Variants in KIAA1328 observed in about 807,000 individuals in gnomAD.
The protein encoded by KIAA1328 is KIAA1328.
Under a neutral mutation model 68.1 loss-of-function variants are expected in KIAA1328, and 52 were observed. That is an observed-to-expected ratio of 0.76 (90% CI 0.61 to 0.96). KIAA1328 has a LOEUF of 0.96. KIAA1328 is among the 40% of genes least tolerant of loss of function. The pLI, the probability that KIAA1328 is intolerant of heterozygous loss-of-function variation, is 0.00. For synonymous variants in KIAA1328, 232 were observed against 239.4 expected (o/e 0.97, Z 0.28); for missense variants, 641 against 677.6 (o/e 0.95, Z 0.60).
chr18:37,186,094 C>CTTTTTTTTTT (rs748423012), intron 9 of KIAA1328, among the ~76,000 whole-genome samples: 2 of 90,434 alleles, frequency 2.2e-5, no homozygotes, highest in Non-Finnish European at 4.1e-5. Flanking sequence ...TCAAGGATGT[C>CTTTTTTTTTT]TTTTTTTTTT....
At chr18:36,942,264 C>T (rs2050743029) in intron 5 of KIAA1328, among the ~76,000 whole-genome samples, 1 of 152,198 alleles carries the variant, frequency 6.6e-6, no homozygotes, top group South Asian at 2.1e-4. Context: ...AGTTTTCTGC[C>T]TGCACCTGGT....
chr18:36,911,345 G>T (rs947306226), intron 5 of KIAA1328, among the ~76,000 whole-genome samples: 4 of 152,086 alleles, frequency 2.6e-5, no homozygotes, highest in Non-Finnish European at 4.4e-5. Context: ...TTGTGACTAT[G>T]AATTCTTGTT....
At chr18:36,872,195 C>CA (rs1413449533) in intron 4 of KIAA1328, among the ~76,000 whole-genome samples, 1 of 151,720 alleles carries the variant, frequency 6.6e-6, no homozygotes, top group East Asian at 1.9e-4. Flanking sequence ...CAGGGGGAGG[C>CA]AAAAAATAAC....
chr18:36,840,399 A>G (rs975995226), intron 3 of KIAA1328, among the ~76,000 whole-genome samples: 2 of 151,418 alleles, frequency 1.3e-5, no homozygotes, highest in Non-Finnish European at 2.9e-5. Flanking sequence ...TTTTCTTAAA[A>G]CTAGAAATGG....
intron 4 of KIAA1328, among the ~76,000 whole-genome samples, chr18:36,870,055 G>A (rs2047894098): frequency 6.6e-6 from 1 of 151,960 alleles, no homozygotes; most frequent in Non-Finnish European, 1.5e-5. Flanking sequence ...GTAGAGACGG[G>A]GTTTCACCAT....
At chr18:36,853,804 C>T (rs542339097) in intron 4 of KIAA1328, among the ~76,000 whole-genome samples, 11 of 152,112 alleles carry the variant, frequency 7.2e-5, no homozygotes, top group South Asian at 2.1e-4. Context: ...TACAGGTGCC[C>T]GCCACCAAGC....
chr18:36,929,539 G>C (rs2050239204), intron 5 of KIAA1328, among the ~76,000 whole-genome samples: 1 of 152,016 alleles, frequency 6.6e-6, no homozygotes, highest in Admixed American at 6.5e-5. Context: ...TAGTGTTTTT[G>C]TCCCTGGTCA....
chr18:37,132,702 C>T (rs1190909096), intron 7 of KIAA1328, among the ~76,000 whole-genome samples: 1 of 152,128 alleles, frequency 6.6e-6, no homozygotes, highest in African/African-American at 2.4e-5. Context: ...AATAGGGCTC[C>T]TTTTCAAACT....
At chr18:37,143,530 T>C (rs926762770) in intron 7 of KIAA1328, among the ~76,000 whole-genome samples, 74 of 147,006 alleles carry the variant, frequency 5.0e-4, no homozygotes, top group Non-Finnish European at 1.0e-3. Context: ...TCTTTTTTTT[T>C]TTTTTTTTTT....
chr18:37,032,043 G>A (rs1010879950), intron 6 of KIAA1328, among the ~76,000 whole-genome samples: 30 of 152,222 alleles, frequency 2.0e-4, no homozygotes, highest in African/African-American at 6.5e-4. Context: ...AGCCAGGTAT[G>A]GTAGCATACT....
At chr18:37,113,213 C>T (rs1257675031) in intron 7 of KIAA1328, among the ~76,000 whole-genome samples, 1 of 152,062 alleles carries the variant, frequency 6.6e-6, no homozygotes, top group Non-Finnish European at 1.5e-5. Flanking sequence ...TTGTCAGATT[C>T]ACCAAAGTTG....
At chr18:36,918,850 T>G (rs2049812953) in intron 5 of KIAA1328, among the ~76,000 whole-genome samples, 1 of 152,242 alleles carries the variant, frequency 6.6e-6, no homozygotes, top group Non-Finnish European at 1.5e-5. Context: ...TTATTCCTTC[T>G]TTGATATGAG....
intron 7 of KIAA1328, among the ~76,000 whole-genome samples, chr18:37,150,081 C>G (rs922775892): frequency 3.1e-4 from 47 of 152,114 alleles, no homozygotes; most frequent in African/African-American, 8.9e-4. Flanking sequence ...TTGAATAACC[C>G]TATATCTGTT....
intron 6 of KIAA1328, among the ~76,000 whole-genome samples, chr18:37,008,951 G>A (rs1322664655): frequency 1.3e-5 from 2 of 152,174 alleles, no homozygotes; most frequent in Non-Finnish European, 2.9e-5. Context: ...TATGTCATTG[G>A]AGTCCTAGAA....
intron 7 of KIAA1328, among the ~76,000 whole-genome samples, chr18:37,105,125 A>G (rs1414574926): frequency 6.6e-6 from 1 of 152,192 alleles, no homozygotes; most frequent in African/African-American, 2.4e-5. Flanking sequence ...ACTGATTAAC[A>G]TGAGTGGGGT....
At chr18:36,957,662 A>C (rs1307707398) in intron 5 of KIAA1328, among the ~76,000 whole-genome samples, 2 of 152,116 alleles carry the variant, frequency 1.3e-5, no homozygotes, top group Non-Finnish European at 2.9e-5. Flanking sequence ...GACTTAACTG[A>C]AAAACTTAAC....
chr18:37,225,128 A>G lies in KIAA1328; in HGVS notation c.*2901A>G. ...CTGCTTCCGGCACCAAGTTCATAAT[A>G]GAGATCTTCTGGCCAGAGAATCAGG... is the stretch of plus-strand genomic sequence containing the variant. On this transcript the variant is annotated 3_prime_UTR_variant, in exon 10 of 10. Transcript: ENST00000280020. 1 of 984,510 alleles carries G rather than the reference A, an allele frequency of 1.0e-6. No individual in the cohort carries two copies. The highest frequency in any genetic ancestry group is 1.2e-6 in the Non-Finnish European group (1 of 829,512). The allele number at this position is 984,510 out of a possible 1,614,324, so 61.0% of individuals were successfully genotyped here.
intron 7 of KIAA1328, among the ~76,000 whole-genome samples, chr18:37,102,849 A>G (rs1320581406): frequency 1.5e-4 from 23 of 152,190 alleles, no homozygotes; most frequent in Admixed American, 1.5e-3. Flanking sequence ...CCACCAAAAT[A>G]ACTCTTAGAA....
At chr18:36,940,091 T>A (rs1411319427) in intron 5 of KIAA1328, among the ~76,000 whole-genome samples, 1 of 152,148 alleles carries the variant, frequency 6.6e-6, no homozygotes, top group Non-Finnish European at 1.5e-5. Context: ...AAAATGAACA[T>A]TCCAGTTAAT....
Sources: allele counts gnomAD v4.1 joint callset (sites outside exome capture counted in the v4.1 genomes callset), GRCh38; gene constraint gnomAD v4.1.1; transcripts MANE v1.5; gene names NCBI Gene and HGNC (gene_info 2026-07-23, HGNC 2026-07-21).